ROBO2: variants seen among roughly 807,000 people sequenced by gnomAD.
ROBO2 encodes the protein roundabout guidance receptor 2.
ROBO2 carries 53 observed loss-of-function variants against 160.8 expected under a neutral mutation model. The ratio of observed to expected loss-of-function variants is 0.33; its 90% CI spans 0.26 to 0.41. The LOEUF is 0.41. ROBO2 is among the 10% of genes least tolerant of loss of function. ROBO2 has a pLI of 1.00. For synonymous variants in ROBO2, 664 were observed against 611.7 expected (o/e 1.09, Z -1.26); for missense variants, 1,577 against 1,722.4 (o/e 0.92, Z 1.49).
At chr3:76,038,112 GA>G (rs1225473312) in intron 2 of ROBO2, among the ~76,000 whole-genome samples, 2 of 151,942 alleles carry the variant, frequency 1.3e-5, no homozygotes, top group African/African-American at 4.8e-5. Context: ...TGTGGAGCAA[GA>G]AAAAAGAAAG....
At chr3:76,547,579 T>C (rs1433988881) in intron 2 of ROBO2, among the ~76,000 whole-genome samples, 1 of 152,138 alleles carries the variant, frequency 6.6e-6, no homozygotes, top group Non-Finnish European at 1.5e-5. Context: ...GTTTTTAAAT[T>C]GAATATTATT....
At chr3:75,946,290 T>C (rs1948288517) in intron 2 of ROBO2, among the ~76,000 whole-genome samples, 1 of 151,902 alleles carries the variant, frequency 6.6e-6, no homozygotes, top group African/African-American at 2.4e-5. Context: ...AAATATATAC[T>C]ATAACAAAAT....
intron 2 of ROBO2, among the ~76,000 whole-genome samples, chr3:77,148,663 C>A (rs553343234): frequency 1.1e-4 from 17 of 152,078 alleles, no homozygotes; most frequent in African/African-American, 3.4e-4. Context: ...AAAGTACAGG[C>A]GCAAAAATAA....
At chr3:77,320,345 T>C (rs187890287) in intron 2 of ROBO2, among the ~76,000 whole-genome samples, 16 of 152,288 alleles carry the variant, frequency 1.1e-4, no homozygotes, top group African/African-American at 3.9e-4. Context: ...TTAGGAGCCC[T>C]CTCTTGTCTC....
intron 2 of ROBO2, among the ~76,000 whole-genome samples, chr3:76,299,505 C>A (rs1709253827): frequency 1.3e-5 from 2 of 152,092 alleles, no homozygotes; most frequent in African/African-American, 4.8e-5. Context: ...GTGGGAGGAA[C>A]AGATCATAAA....
At chr3:76,847,739 T>A (rs763021613) in intron 2 of ROBO2, among the ~76,000 whole-genome samples, 2 of 152,258 alleles carry the variant, frequency 1.3e-5, no homozygotes, top group Non-Finnish European at 2.9e-5. Flanking sequence ...TGACTTTTTT[T>A]AAGAAGAGAT....
chr3:76,843,784 T>C (rs1290520495), intron 2 of ROBO2, among the ~76,000 whole-genome samples: 4 of 151,954 alleles, frequency 2.6e-5, no homozygotes, highest in African/African-American at 7.2e-5. Flanking sequence ...TATGTTAATG[T>C]TTTATAAGTC....
chr3:76,823,382 C>T (rs967466067), intron 2 of ROBO2, among the ~76,000 whole-genome samples: 2 of 152,092 alleles, frequency 1.3e-5, no homozygotes, highest in African/African-American at 2.4e-5. Context: ...TAGAAAGTTA[C>T]AAAGTTGCCT....
chr3:77,608,826 TAGAA>T (rs2094573228), intron 21 of ROBO2, among the ~76,000 whole-genome samples: 1 of 151,980 alleles, frequency 6.6e-6, no homozygotes, highest in South Asian at 2.1e-4. Context: ...TTTTTTCACT[TAGAA>T]ATAGTTAGAT....
intron 2 of ROBO2, among the ~76,000 whole-genome samples, chr3:77,423,864 G>A (rs907191080): frequency 2.8e-4 from 42 of 152,226 alleles, no homozygotes; most frequent in Non-Finnish European, 4.9e-4. Context: ...ATGTCATAAT[G>A]TATTTGTATC....
At chr3:76,220,552 G>T (rs1275164561) in intron 2 of ROBO2, among the ~76,000 whole-genome samples, 1 of 152,078 alleles carries the variant, frequency 6.6e-6, no homozygotes, top group Non-Finnish European at 1.5e-5. Context: ...TGGGAGCATT[G>T]ATTTGGGACT....
intron 2 of ROBO2, among the ~76,000 whole-genome samples, chr3:77,129,506 G>A (rs1237288294): frequency 6.6e-6 from 1 of 152,182 alleles, no homozygotes; most frequent in African/African-American, 2.4e-5. Context: ...GCAGGTTGTG[G>A]AAGCGTTTTT....
chr3:76,825,902 A>G (rs749439184), intron 2 of ROBO2, among the ~76,000 whole-genome samples: 1 of 152,116 alleles, frequency 6.6e-6, no homozygotes. Context: ...TCTCTTGTGC[A>G]TACTGTTCTT....
At chr3:76,838,680 T>C (rs2067937263) in intron 2 of ROBO2, among the ~76,000 whole-genome samples, 1 of 152,100 alleles carries the variant, frequency 6.6e-6, no homozygotes, top group South Asian at 2.1e-4. Flanking sequence ...GTTATTTGCT[T>C]ATCTCCATTC....
At chr3:77,159,011 G>A (rs568376718) in intron 2 of ROBO2, among the ~76,000 whole-genome samples, 1 of 152,096 alleles carries the variant, frequency 6.6e-6, no homozygotes, top group Non-Finnish European at 1.5e-5. Flanking sequence ...AGGCAAGTGT[G>A]CTTTGAACTC....
At chr3:76,432,907 GA>G (rs1241703932) in intron 2 of ROBO2, among the ~76,000 whole-genome samples, 2 of 150,512 alleles carry the variant, frequency 1.3e-5, no homozygotes, top group East Asian at 4.0e-4. Flanking sequence ...AAGGGAGGGA[GA>G]AAAAGATGGG....
intron 22 of ROBO2, among the ~76,000 whole-genome samples, chr3:77,618,362 T>C (rs932744108): frequency 1.1e-4 from 17 of 152,168 alleles, no homozygotes; most frequent in Admixed American, 6.5e-5. Flanking sequence ...AAATTTCACA[T>C]TTCTTTTTCT....
intron 2 of ROBO2, among the ~76,000 whole-genome samples, chr3:76,952,289 AT>A (rs201657218): frequency 6.0e-5 from 9 of 149,690 alleles, no homozygotes; most frequent in Admixed American, 1.3e-4. Flanking sequence ...TTTTATTTTT[AT>A]TTTTTTTTTG....
chr3:76,241,334 G>A (rs893374423), intron 2 of ROBO2, among the ~76,000 whole-genome samples: 1 of 152,198 alleles, frequency 6.6e-6, no homozygotes, highest in African/African-American at 2.4e-5. Context: ...TCAAACAAAC[G>A]ACGATGTCAA....
Sources: gnomAD v4.1 joint callset for allele counts (sites outside exome capture counted in the v4.1 genomes callset) on GRCh38, gnomAD v4.1.1 for gene constraint, MANE v1.5 for transcripts, NCBI Gene and HGNC (gene_info 2026-07-23, HGNC 2026-07-21) for gene names.